The following PIK3C2G variants were observed in gnomAD, a reference collection of about 807,000 sequenced individuals.
PIK3C2G encodes phosphatidylinositol-4-phosphate 3-kinase catalytic subunit type 2 gamma.
Under a neutral mutation model 181.1 loss-of-function variants are expected in PIK3C2G, and 168 were observed. The ratio of observed to expected loss-of-function variants is 0.93; its 90% confidence interval spans 0.82 to 1.05. PIK3C2G has a LOEUF of 1.05. Among genes scored for constraint, PIK3C2G ranks in the 50% least tolerant of loss-of-function variants. The pLI is 0.00. For missense variants in PIK3C2G, 1,869 were observed against 1,732.8 expected, an observed-to-expected ratio of 1.08 and a Z score of -1.40; for synonymous variants, 573 against 592.2, an observed-to-expected ratio of 0.97 and a Z score of 0.47.
chr12:18,628,686 T>A (rs950136372), intron 31 of PIK3C2G, among the ~76,000 whole-genome samples: 2 of 152,230 alleles, frequency 1.3e-5, no homozygotes, highest in Admixed American at 1.3e-4. Flanking sequence ...AGAAGTATCC[T>A]CACTAGTGAA....
chr12:18,707,970 T>C, the PIK3C2G span, among the ~76,000 whole-genome samples: 1 of 152,314 alleles, frequency 6.6e-6, no homozygotes, highest in South Asian at 2.1e-4. Flanking sequence ...AATTAACATA[T>C]CCATCTATCC....
chr12:18,536,662 G>A (rs1472440574), intron 24 of PIK3C2G, among the ~76,000 whole-genome samples: 1 of 152,028 alleles, frequency 6.6e-6, no homozygotes, highest in East Asian at 1.9e-4. Flanking sequence ...GTGGTTTAGA[G>A]ATGAAGGATT....
At chr12:18,580,131 C>CA (rs34226663) in intron 29 of PIK3C2G, among the ~76,000 whole-genome samples, 2,172 of 106,278 alleles carry the variant, frequency 0.02, 17 homozygotes, top group Middle Eastern at 0.062. Flanking sequence ...GACTCTGTCT[C>CA]AAAAAAAAAA....
intron 18 of PIK3C2G, among the ~76,000 whole-genome samples, chr12:18,428,089 G>A (rs11044103): frequency 0.14 from 21,582 of 151,742 alleles, 1,678 homozygotes; most frequent in African/African-American, 0.2. Context: ...AGATTCAAAA[G>A]TGCCTACATC....
At chr12:18,572,160 G>A (rs934538097) in intron 29 of PIK3C2G, among the ~76,000 whole-genome samples, 2 of 140,710 alleles carry the variant, frequency 1.4e-5, no homozygotes, top group African/African-American at 5.9e-5. Context: ...TACAAATAAT[G>A]TACATCTATA....
chr12:18,289,841 A>C (rs1056569917), intron 3 of PIK3C2G, among the ~76,000 whole-genome samples: 1 of 152,184 alleles, frequency 6.6e-6, no homozygotes, highest in Non-Finnish European at 1.5e-5. Flanking sequence ...CAGTTTCTGC[A>C]ATTTAGGTAG....
intron 3 of PIK3C2G, among the ~76,000 whole-genome samples, chr12:18,290,011 A>G (rs1591838188): frequency 6.6e-6 from 1 of 152,222 alleles, no homozygotes; most frequent in East Asian, 1.9e-4. Context: ...CTATGGTAAC[A>G]TATAATGACA....
At chr12:18,712,917 T>A in the PIK3C2G span, 1 of 1,613,952 alleles carries the variant, frequency 6.2e-7, no homozygotes, top group Non-Finnish European at 8.5e-7. Context: ...AGCCATGATA[T>A]ACAACAGGTT....
intron 18 of PIK3C2G, among the ~76,000 whole-genome samples, chr12:18,482,457 C>CCAAGG (rs1253795513): frequency 6.6e-6 from 1 of 151,964 alleles, no homozygotes; most frequent in Non-Finnish European, 1.5e-5. Flanking sequence ...TGGAGAACCT[C>CCAAGG]CCCACCAGGA....
chr12:18,515,634 T>A lies in PIK3C2G; in HGVS notation c.3323+10173T>A, dbSNP rs191227000. ...TTTTCTTAGTCTAGCTAAATGTTTG[T>A]GAATTTTATTTATTTATTTTTAAAG... On this transcript the variant is annotated intron_variant, in intron 24 of 32. Coordinates refer to ENST00000538779, the MANE Select transcript of PIK3C2G (RefSeq NM_001288772.2). Among the ~76,000 whole-genome samples, 4 of 152,130 alleles carry A rather than the reference T, an allele frequency of 2.6e-5. No homozygotes were observed. The East Asian group carries it at 7.7e-4, about 29-fold the overall frequency.
chr12:18,651,910 G>A (rs569518971), downstream of PIK3C2G, among the ~76,000 whole-genome samples: 89 of 152,286 alleles, frequency 5.8e-4, no homozygotes, highest in Non-Finnish European at 9.9e-4. Flanking sequence ...ATAAGGACCA[G>A]CTCTTTCCAT....
At chr12:18,495,199 G>C (rs1016811256) in intron 20 of PIK3C2G, among the ~76,000 whole-genome samples, 1 of 152,038 alleles carries the variant, frequency 6.6e-6, no homozygotes, top group African/African-American at 2.4e-5. Flanking sequence ...AAAGCATAGA[G>C]TCTTTTTCCT....
the PIK3C2G span, among the ~76,000 whole-genome samples, chr12:18,662,104 A>G: frequency 4.6e-5 from 7 of 152,138 alleles, no homozygotes; most frequent in African/African-American, 1.7e-4. Flanking sequence ...AAATGAGAAC[A>G]ATAGACACTG....
intron 14 of PIK3C2G, among the ~76,000 whole-genome samples, chr12:18,387,347 C>A (rs1339837678): frequency 6.6e-6 from 1 of 152,096 alleles, no homozygotes; most frequent in Non-Finnish European, 1.5e-5. Flanking sequence ...TCAGCACTAC[C>A]CAGAGGATTA....
the PIK3C2G span, among the ~76,000 whole-genome samples, chr12:18,709,450 T>C: frequency 6.6e-6 from 1 of 152,210 alleles, no homozygotes; most frequent in African/African-American, 2.4e-5. Context: ...TCAGAAAGTG[T>C]GATGCCTCCA....
intron 24 of PIK3C2G, among the ~76,000 whole-genome samples, chr12:18,532,796 C>T (rs1222367328): frequency 6.6e-6 from 1 of 151,892 alleles, no homozygotes; most frequent in Non-Finnish European, 1.5e-5. Context: ...CCTACCTTGC[C>T]CTTGGCTGGT....
chr12:18,555,700 TG>T (rs1293735240), intron 26 of PIK3C2G, among the ~76,000 whole-genome samples: 1 of 152,142 alleles, frequency 6.6e-6, no homozygotes, highest in African/African-American at 2.4e-5. Context: ...GTTATTTCTA[TG>T]TAAAAATCAA....
At chr12:18,536,235 G>A (rs115151574) in intron 24 of PIK3C2G, among the ~76,000 whole-genome samples, 1,766 of 152,186 alleles carry the variant, frequency 0.012, 31 homozygotes, top group African/African-American at 0.041. Context: ...TTTTTGAAGA[G>A]ACAAGGAAAT....
intron 20 of PIK3C2G, among the ~76,000 whole-genome samples, chr12:18,492,322 G>GA (rs1453772075): frequency 5.3e-5 from 8 of 152,020 alleles, no homozygotes; most frequent in African/African-American, 1.9e-4. Context: ...AGACAGTCAA[G>GA]AAAACAAACC....
Sources: allele counts gnomAD v4.1 joint callset (sites outside exome capture counted in the v4.1 genomes callset), GRCh38; gene constraint gnomAD v4.1.1; transcripts MANE v1.5; gene names NCBI Gene and HGNC (gene_info 2026-07-23, HGNC 2026-07-21).